The following ORC4 variants were observed in gnomAD, a reference collection of about 807,000 sequenced individuals.
ORC4 encodes origin recognition complex subunit 4.
ORC4 carries 55 observed loss-of-function variants against 63.9 expected under a neutral mutation model. That is an observed-to-expected ratio of 0.86 (90% CI 0.69 to 1.08). The LOEUF is 1.08. Among genes scored for constraint, ORC4 ranks in the 50% least tolerant of loss-of-function variants. ORC4 has a pLI of 0.00. For synonymous variants in ORC4, 150 were observed against 168.5 expected, an observed-to-expected ratio of 0.89 and a Z score of 0.85; for missense variants, 511 against 504.4, an observed-to-expected ratio of 1.01 and a Z score of -0.13.
chr2:147,966,640 C>G (rs2105334595), intron 4 of ORC4, among the ~76,000 whole-genome samples: 1 of 152,156 alleles, frequency 6.6e-6, no homozygotes, highest in South Asian at 2.1e-4. Flanking sequence ...TACAACCTTT[C>G]AATATTGAAG....
chr2:147,940,115 C>T (rs1688280424), intron 10 of ORC4, among the ~76,000 whole-genome samples: 1 of 152,114 alleles, frequency 6.6e-6, no homozygotes, highest in South Asian at 2.1e-4. Context: ...ACCTAGATTG[C>T]CAGTGCTCCC....
intron 1 of ORC4, among the ~76,000 whole-genome samples, chr2:147,981,451 A>C (rs1690884515): frequency 6.6e-6 from 1 of 152,220 alleles, no homozygotes; most frequent in African/African-American, 2.4e-5. Flanking sequence ...AATATTTTGG[A>C]ACTTCAGCTG....
chr2:147,932,262 C>G lies in ORC4; in HGVS notation c.*3248G>C, dbSNP rs1687809656. On this transcript the variant is annotated 3_prime_UTR_variant, in exon 14 of 14. Transcript: ENST00000392857. ...CCAACTTACAAGGGATGTGAAGGAC[C>G]TCTTCAAGGAGAACTACAAGCTACT... 1 of 151,846 alleles carries G rather than the reference C, an allele frequency of 6.6e-6. No individual in the cohort carries two copies. The highest frequency in any genetic ancestry group is 6.6e-5 in the Admixed American group (1 of 15,228). 9.4% of individuals were successfully genotyped at this position (151,846 alleles called of 1,614,324 possible).
chr2:148,014,993 A>G (rs529250577), intron 1 of ORC4, among the ~76,000 whole-genome samples: 6 of 152,228 alleles, frequency 3.9e-5, no homozygotes, highest in Middle Eastern at 3.4e-3. Flanking sequence ...AATATCACCA[A>G]TATCTTTAAA....
intron 8 of ORC4, among the ~76,000 whole-genome samples, chr2:147,951,822 G>A (rs1390381800): frequency 2.6e-4 from 39 of 152,130 alleles, no homozygotes; most frequent in Non-Finnish European, 4.4e-4. Flanking sequence ...AGGTACACAT[G>A]GTTCAATATG....
intron 1 of ORC4, among the ~76,000 whole-genome samples, chr2:147,989,716 A>G (rs1408210603): frequency 6.6e-6 from 1 of 152,118 alleles, no homozygotes; most frequent in African/African-American, 2.4e-5. Flanking sequence ...CAAAAACAAC[A>G]ACAATAGGAA....
upstream of ORC4, chr2:148,021,454 C>CTGCTGCTGTTGCTGCTGCTGCTGCTGT (rs1244500381): frequency 2.1e-5 from 12 of 574,674 alleles, no homozygotes; most frequent in African/African-American, 9.5e-5. Context: ...AGACCCTTTG[C>CTGCTGCTGTTGCTGCTGCTGCTGCTGT]TGCTGCTGTT....
At chr2:147,962,215 C>G (rs1387849938) in intron 4 of ORC4, among the ~76,000 whole-genome samples, 1 of 152,158 alleles carries the variant, frequency 6.6e-6, no homozygotes, top group Non-Finnish European at 1.5e-5. Context: ...CACCAGTCCT[C>G]ACCGCCATCA....
chr2:147,965,707 T>C (rs1192580475), intron 4 of ORC4, among the ~76,000 whole-genome samples: 1 of 152,184 alleles, frequency 6.6e-6, no homozygotes, highest in African/African-American at 2.4e-5. Context: ...AACTTCACCA[T>C]AGACCAAATG....
chr2:147,940,868 T>A (rs1177730947), intron 10 of ORC4, among the ~76,000 whole-genome samples: 3 of 152,014 alleles, frequency 2.0e-5, no homozygotes, highest in Non-Finnish European at 4.4e-5. Context: ...CAGAGAATAA[T>A]AAATATCTAT....
chr2:147,972,655 A>T (rs1440612540), intron 4 of ORC4, 84 bp downstream of exon 4: 2 of 677,194 alleles, frequency 3.0e-6, no homozygotes, highest in Non-Finnish European at 4.8e-6. Context: ...TACATAAAAT[A>T]AGATTTATAT....
At position 147,959,018 on chromosome 2, in the gene ORC4, C is replaced by T. The variant is rs1689426499; in HGVS notation, c.226-152G>A. Reference sequence around the variant, plus strand: ...AATTCTTTACAGATAAAAGGTTTAACTAGAACATCTCATATCTGACTCTTT... The same window carrying T: ...AATTCTTTACAGATAAAAGGTTTAATTAGAACATCTCATATCTGACTCTTT... On this transcript the variant is annotated intron_variant, in intron 4 of 13. Transcript: ENST00000392857. The T allele has an allele frequency of 1.3e-5, 7 of 544,434 alleles. No homozygotes were observed. In the East Asian group the frequency reaches 1.8e-4, roughly 14 times the overall value. The allele number at this position is 544,434 out of a possible 1,614,324, so 33.7% of individuals were successfully genotyped here. A position where few individuals can be genotyped will look rare whatever the true frequency, so the allele number is the denominator to read the frequency against.
chr2:148,017,012 A>C (rs1427237446), intron 1 of ORC4, among the ~76,000 whole-genome samples: 3 of 152,248 alleles, frequency 2.0e-5, no homozygotes, highest in Non-Finnish European at 2.9e-5. Flanking sequence ...AGAACTGACC[A>C]TCAGAATGTC....
chr2:147,973,356 T>C, intron 3 of ORC4, 92 bp downstream of exon 3: 1 of 818,942 alleles, frequency 1.2e-6, no homozygotes, highest in Non-Finnish European at 2.2e-6. Context: ...TTGTTAGCTT[T>C]ATTTAATATC....
chr2:147,942,955 G>T (rs1688448897), intron 10 of ORC4, among the ~76,000 whole-genome samples: 1 of 151,988 alleles, frequency 6.6e-6, no homozygotes, highest in Non-Finnish European at 1.5e-5. Flanking sequence ...TATTCTATAT[G>T]TAATGAATAT....
chr2:147,973,900 A>T (rs1690371914), intron 2 of ORC4, among the ~76,000 whole-genome samples: 1 of 152,202 alleles, frequency 6.6e-6, no homozygotes, highest in African/African-American at 2.4e-5. Context: ...TTAGTCATGA[A>T]AAATTATGTC....
intron 10 of ORC4, among the ~76,000 whole-genome samples, chr2:147,940,901 A>G (rs1688330853): frequency 6.6e-6 from 1 of 152,096 alleles, no homozygotes; most frequent in African/African-American, 2.4e-5. Context: ...TGCTTAAGAA[A>G]TATGATTTTA....
At position 147,930,623 on chromosome 2, in the gene ORC4, T is replaced by C. The variant is rs1573724426; in HGVS notation, c.*4887A>G. The C allele has an allele frequency of 6.6e-6, 1 of 152,468 alleles. No individual in the cohort carries two copies. Among genetic ancestry groups the C allele is most frequent in the Non-Finnish European group, 1.5e-5 (1 of 67,994 alleles). The allele number at this position is 152,468 out of a possible 1,614,324, so 9.4% of individuals were successfully genotyped here. ...TATTGGTAAGCAGTTATTTTCGCTT[T>C]ACTCTGTATTTCTTGTGTTTTGGGC... On this transcript the variant is annotated 3_prime_UTR_variant, in exon 14 of 14. Transcript: ENST00000392857.
intron 4 of ORC4, among the ~76,000 whole-genome samples, chr2:147,965,746 A>G (rs1558847693): frequency 1.3e-5 from 2 of 152,186 alleles, no homozygotes; most frequent in Non-Finnish European, 2.9e-5. Flanking sequence ...AGAACATTTC[A>G]CCCAACAACT....
Sources: allele counts gnomAD v4.1 joint callset (sites outside exome capture counted in the v4.1 genomes callset), GRCh38; gene constraint gnomAD v4.1.1; transcripts MANE v1.5; gene names NCBI Gene and HGNC (gene_info 2026-07-23, HGNC 2026-07-21).